USH2A: variants seen among roughly 807,000 people sequenced by gnomAD.
USH2A encodes the protein Usher syndrome 2A (autosomal recessive, mild).
USH2A carries 443 observed loss-of-function variants against 538.9 expected under a neutral mutation model. The ratio of observed to expected loss-of-function variants is 0.82; its 90% CI spans 0.76 to 0.89. The LOEUF is 0.89. USH2A is among the 40% of genes least tolerant of loss of function. The pLI is 0.00. For missense variants in USH2A, 6,633 were observed against 6,324.8 expected, an observed-to-expected ratio of 1.05 and a Z score of -1.65; for synonymous variants, 2,413 against 2,273.5, an observed-to-expected ratio of 1.06 and a Z score of -1.75.
chr1:215,685,480 C>G (rs1658395175), intron 61 of USH2A, among the ~76,000 whole-genome samples: 1 of 151,846 alleles, frequency 6.6e-6, no homozygotes, highest in African/African-American at 2.4e-5. Flanking sequence ...GCCTCAGTCT[C>G]CCGAGTAGCT....
intron 3 of USH2A, among the ~76,000 whole-genome samples, chr1:216,383,448 A>G (rs2038952814): frequency 6.6e-6 from 1 of 152,236 alleles, no homozygotes; most frequent in South Asian, 2.1e-4. Context: ...TAAATAAGTT[A>G]TAAAGTGCTA....
At chr1:215,693,119 T>G (rs2102683081) in intron 61 of USH2A, among the ~76,000 whole-genome samples, 1 of 144,310 alleles carries the variant, frequency 6.9e-6, no homozygotes, top group African/African-American at 2.5e-5. Flanking sequence ...TGTATGTGTA[T>G]ATATATATAT....
Position 216,048,577 on chromosome 1 carries a change from A to G in USH2A, c.6120T>C (p.Cys2040=). ...TGTTCAATGCATGTGAGCTCTCAGTACAGCCAGCCAAAGTGCAAGCAGTTA... is the reference window on the plus strand; with the variant it reads ...TGTTCAATGCATGTGAGCTCTCAGTGCAGCCAGCCAAAGTGCAAGCAGTTA... The part of the protein sequence containing the change: ...VTLTACTLAG[C]TESSHALNIS... Residue 2040 remains cysteine (C), a synonymous_variant, in exon 31 of 72, where the codon TGT becomes TGC. Coordinates refer to ENST00000307340, the MANE Select transcript of USH2A (RefSeq NM_206933.4). The G allele has an allele frequency of 6.2e-7, 1 of 1,614,122 alleles. No individual in the cohort carries two copies. The highest frequency in any genetic ancestry group is 2.2e-5 in the East Asian group (1 of 44,868).
chr1:215,781,945 A>G, intron 54 of USH2A, 97 bp downstream of exon 54: 4 of 1,540,164 alleles, frequency 2.6e-6, no homozygotes, highest in Non-Finnish European at 2.7e-6. Context: ...GAGGAGGGAC[A>G]TTGTTTTCTT....
Position 215,789,369 on chromosome 1 carries a change from T to G in USH2A, c.10182+690A>C, listed in dbSNP as rs557326107. 2.0e-5 allele frequency among the ~76,000 whole-genome samples: 3 copies of G among 152,226 alleles called. No homozygotes were observed. In the East Asian group the frequency reaches 5.8e-4, roughly 29 times the overall value. On this transcript the variant is annotated intron_variant, in intron 51 of 71. Transcript: ENST00000307340. Reference sequence around the variant, plus strand: ...CCATTGTCTGTGACCAAGACACCCATTTTTAGTGGTCTTATAATGACAAAT... The same window carrying G: ...CCATTGTCTGTGACCAAGACACCCAGTTTTAGTGGTCTTATAATGACAAAT...
At chr1:216,217,168 A>T in intron 15 of USH2A, among the ~76,000 whole-genome samples, 1 of 152,076 alleles carries the variant, frequency 6.6e-6, no homozygotes, top group East Asian at 1.9e-4. Flanking sequence ...ACTATTGTAA[A>T]TTTCCCACCA....
chr1:216,414,924 A>G (rs927326426), intron 3 of USH2A, among the ~76,000 whole-genome samples: 1 of 152,164 alleles, frequency 6.6e-6, no homozygotes, highest in African/African-American at 2.4e-5. Flanking sequence ...TAGATGCATT[A>G]TATAATCATG....
chr1:215,803,895 T>G (rs1256420392), intron 49 of USH2A, among the ~76,000 whole-genome samples: 2 of 152,142 alleles, frequency 1.3e-5, no homozygotes, highest in African/African-American at 4.8e-5. Flanking sequence ...ACTACAAGGC[T>G]ACAGTAACCA....
chr1:216,056,032 A>T (rs2030964487), intron 30 of USH2A, among the ~76,000 whole-genome samples: 1 of 152,210 alleles, frequency 6.6e-6, no homozygotes, highest in Non-Finnish European at 1.5e-5. Context: ...GTCTAATCCC[A>T]GTCTTAGAGG....
In USH2A at chr1:216,385,386, A is replaced by G. The variant is rs184062869; in HGVS notation, c.652-20301T>C. Among the ~76,000 whole-genome samples, 9 of 152,302 alleles carry G rather than the reference A, an allele frequency of 5.9e-5. No individual in the cohort carries two copies. In the East Asian group the frequency reaches 1.4e-3, roughly 23 times the overall value. On this transcript the variant is annotated intron_variant, in intron 3 of 71. Transcript: ENST00000307340. ...GAATGTGACATGTTTACAAACTACT[A>G]TAGAATAAAAACATTGTCCTGATGT... is the stretch of plus-strand genomic sequence containing the variant.
At chr1:215,647,759 A>G (rs1354473685) in intron 66 of USH2A, 29 bp from the exon 67 acceptor site, 2 of 1,611,358 alleles carry the variant, frequency 1.2e-6, no homozygotes, top group South Asian at 2.2e-5. Flanking sequence ...CGTAGAGTCA[A>G]GACGGGTAAT....
At chr1:216,032,996 A>G (rs1365175376) in intron 32 of USH2A, among the ~76,000 whole-genome samples, 1 of 152,180 alleles carries the variant, frequency 6.6e-6, no homozygotes. Flanking sequence ...CAGAACTTTG[A>G]GTTAGTACAA....
chr1:216,198,918 T>A (rs1291817254), intron 17 of USH2A, among the ~76,000 whole-genome samples: 1 of 152,206 alleles, frequency 6.6e-6, no homozygotes, highest in African/African-American at 2.4e-5. Context: ...GAATTGATAT[T>A]CACAATTTCT....
chr1:215,930,315 C>A (rs776061948), intron 38 of USH2A, among the ~76,000 whole-genome samples: 2 of 151,860 alleles, frequency 1.3e-5, no homozygotes, highest in East Asian at 3.9e-4. Flanking sequence ...TAAACTATGC[C>A]CTTTTATGCT....
intron 32 of USH2A, among the ~76,000 whole-genome samples, chr1:216,043,919 T>G (rs2030406431): frequency 6.6e-6 from 1 of 152,058 alleles, no homozygotes; most frequent in Admixed American, 6.6e-5. Flanking sequence ...CATTTTTCTC[T>G]CTTCTCTATT....
At chr1:215,642,953 A>G (rs771805641) in intron 67 of USH2A, among the ~76,000 whole-genome samples, 1 of 152,168 alleles carries the variant, frequency 6.6e-6, no homozygotes. Flanking sequence ...CTGAGTGTAC[A>G]TGTGATCACA....
chr1:216,374,341 G>C (rs2038776021), intron 3 of USH2A, among the ~76,000 whole-genome samples: 1 of 150,706 alleles, frequency 6.6e-6, no homozygotes, highest in Admixed American at 6.6e-5. Context: ...TCTTAATACT[G>C]TTAAAGAGGA....
chr1:216,143,125 C>T lies in USH2A; in HGVS notation c.4627+32127G>A, dbSNP rs183663006. Among the ~76,000 whole-genome samples the T allele has an allele frequency of 8.5e-5, 13 of 152,210 alleles. No individual in the cohort carries two copies. The East Asian group carries it at 1.9e-3, about 23-fold the overall frequency. ...CTTTTGAAACCTCTGCCAAACTTGT[C>T]TATGTTGTAATAAGTGTGCCTTCCC... is the stretch of plus-strand genomic sequence containing the variant. On this transcript the variant is annotated intron_variant, in intron 21 of 71. Coordinates refer to ENST00000307340, the MANE Select transcript of USH2A (RefSeq NM_206933.4).
At chr1:215,951,269 G>T (rs1454084403) in intron 37 of USH2A, among the ~76,000 whole-genome samples, 6 of 152,148 alleles carry the variant, frequency 3.9e-5, no homozygotes, top group African/African-American at 1.4e-4. Flanking sequence ...GTTCTCATTG[G>T]TTTCAAAGAA....
Sources: gnomAD v4.1 joint callset for allele counts (sites outside exome capture counted in the v4.1 genomes callset) on GRCh38, gnomAD v4.1.1 for gene constraint, MANE v1.5 for transcripts, NCBI Gene and HGNC (gene_info 2026-07-23, HGNC 2026-07-21) for gene names.